Variants in ECD observed in about 807,000 individuals in gnomAD.
The protein encoded by ECD is protein ecdysoneless homolog.
A neutral mutation model predicts 77.2 loss-of-function variants in ECD; 59 were observed. The ratio of observed to expected loss-of-function variants is 0.76; its 90% CI spans 0.62 to 0.95. The LOEUF is 0.95. ECD is among the 40% of genes least tolerant of loss of function. The pLI, the probability that ECD is intolerant of heterozygous loss-of-function variation, is 0.00. For missense variants in ECD, 704 were observed against 763.4 expected (o/e 0.92, Z 0.92); for synonymous variants, 233 against 267.4 (o/e 0.87, Z 1.26).
At position 73,167,983 on chromosome 10, in the gene ECD, C is replaced by T; in HGVS notation, c.-131G>A. 3.4e-6 allele frequency: 1 copy of T among 293,506 alleles called. No homozygotes were observed. Among genetic ancestry groups the T allele is most frequent in the South Asian group, 4.3e-5 (1 of 23,444 alleles). 18.2% of individuals were successfully genotyped at this position (293,506 alleles called of 1,614,324 possible). On this transcript the variant is annotated 5_prime_UTR_variant, in exon 1 of 14. Transcript: ENST00000372979. ...GCCGAAGCCTGGATCAGGCTCTGTC[C>T]CGACGCCTGACCGGAACCTGAAGCC...
At chr10:73,139,858 T>TG (rs1843029692) in intron 9 of ECD, 121 bp from the exon 10 acceptor site, 1 of 686,144 alleles carries the variant, frequency 1.5e-6, no homozygotes, top group Non-Finnish European at 2.3e-6. Flanking sequence ...TGTTTTTTTT[T>TG]TTTTTTTTTA....
chr10:73,162,209 G>C (rs952483540), intron 2 of ECD, among the ~76,000 whole-genome samples: 2 of 152,214 alleles, frequency 1.3e-5, no homozygotes, highest in African/African-American at 4.8e-5. Context: ...ACAGGAACCA[G>C]AGAGGTAAGT....
chr10:73,148,271 C>T lies in ECD; in HGVS notation c.1041+5G>A. 1 of 1,612,964 alleles carries T rather than the reference C, an allele frequency of 6.2e-7. No individual in the cohort carries two copies. Among genetic ancestry groups the T allele is most frequent in the Non-Finnish European group, 8.5e-7 (1 of 1,179,432 alleles). On this transcript the variant is annotated splice_donor_5th_base_variant and intron_variant, in intron 8 of 13. Transcript: ENST00000372979. ...ACTTAAAAGCAAATATATTGCAAGTCCTACCTTAAAGTAATCATTCTTTTT... is the reference window on the plus strand; with the variant it reads ...ACTTAAAAGCAAATATATTGCAAGTTCTACCTTAAAGTAATCATTCTTTTT...
chr10:73,149,052 T>C (rs1174494217), intron 7 of ECD, among the ~76,000 whole-genome samples: 1 of 152,172 alleles, frequency 6.6e-6, no homozygotes, highest in Non-Finnish European at 1.5e-5. Flanking sequence ...CACTTAACCA[T>C]ATACCTTGGA....
intron 9 of ECD, among the ~76,000 whole-genome samples, chr10:73,144,371 T>G (rs1278385737): frequency 2.0e-5 from 3 of 152,050 alleles, no homozygotes; most frequent in Admixed American, 2.0e-4. Context: ...ACACTTGTAA[T>G]CCCAGAACTT....
In ECD at chr10:73,163,830, C is replaced by T. The variant is rs764593550; in HGVS notation, c.108G>A (p.Gln36=). 50 of 1,614,042 alleles carry T rather than the reference C, an allele frequency of 3.1e-5. No individual in the cohort carries two copies. Among genetic ancestry groups the T allele is most frequent in the Middle Eastern group, 3.3e-4 (2 of 6,084 alleles). ...RDSDKHKEIL[Q]KYIERIITRF... ...GAGTGATTATTCTCTCAATGTACTT[C>T]TGAAGAATCTCTTTATGTTTATCTG... The change falls in exon 2 of 14, where the codon CAG becomes CAA. Residue 36 remains glutamine (Q), a synonymous_variant. Transcript: ENST00000372979.
rs777956764 is a variant in ECD at position 73,156,389 on chromosome 10, C to G, written c.476G>C (p.Trp159Ser). The G allele has an allele frequency of 6.2e-7, 1 of 1,613,344 alleles. No homozygotes were observed. Among genetic ancestry groups the G allele is most frequent in the Non-Finnish European group, 8.5e-7 (1 of 1,179,844 alleles). ...AATTGTTGGGGGTGTGGTGGGTAAC[C>G]AAGATTCTGCTCCAGATTTTCTTGG... ...PAPRKSGAES[W>S]LPTTPPTIPQ... The change falls in exon 5 of 14, where the codon TGG (tryptophan) becomes TCG (serine). Residue 159 changes from tryptophan (W) to serine (S), a missense_variant. By Grantham distance (177) the Trp-to-Ser change is radical. Coordinates refer to ENST00000372979, the MANE Select transcript of ECD (RefSeq NM_007265.3).
intron 6 of ECD, among the ~76,000 whole-genome samples, chr10:73,153,867 G>C (rs532871627): frequency 6.6e-6 from 1 of 152,040 alleles, no homozygotes; most frequent in Admixed American, 6.6e-5. Flanking sequence ...AAGAAAAAAC[G>C]TGTATAGTTT....
intron 7 of ECD, 104 bp downstream of exon 7, chr10:73,152,189 T>C (rs1843219018): frequency 7.3e-7 from 1 of 1,365,852 alleles, no homozygotes; most frequent in African/African-American, 1.5e-5. Flanking sequence ...ACTGCATTCT[T>C]ACATAAACAG....
Position 73,167,915 on chromosome 10 carries a change from C to A in ECD, c.-63G>T, listed in dbSNP as rs1487314133. 1.5e-5 allele frequency: 3 copies of A among 199,632 alleles called. No individual in the cohort carries two copies. The highest frequency in any genetic ancestry group is 3.0e-5 in the Non-Finnish European group (3 of 99,210). 12.4% of individuals were successfully genotyped at this position (199,632 alleles called of 1,614,324 possible). A position where few individuals can be genotyped will look rare whatever the true frequency, so the allele number is the denominator to read the frequency against. On this transcript the variant is annotated 5_prime_UTR_variant, in exon 1 of 14. Transcript: ENST00000372979. ...CTCTGCTGTGGCACCTTTCCTTAGCCGCCTCTCCGACTGCGAGAGCTGATC... is the reference window on the plus strand; with the variant it reads ...CTCTGCTGTGGCACCTTTCCTTAGCAGCCTCTCCGACTGCGAGAGCTGATC...
Position 73,139,875 on chromosome 10 carries a change from G to C in ECD, c.1128-138C>G, listed in dbSNP as rs1843030007. 8.5e-6 allele frequency: 5 copies of C among 585,344 alleles called. No individual in the cohort carries two copies. In the South Asian group the frequency reaches 1.2e-4, roughly 15 times the overall value. 36.3% of individuals were successfully genotyped at this position (585,344 alleles called of 1,614,324 possible). On this transcript the variant is annotated intron_variant, in intron 9 of 13. Coordinates refer to ENST00000372979, the MANE Select transcript of ECD (RefSeq NM_007265.3). Reference sequence around the variant, plus strand: ...TTTTTTTTTTTTTTTTTTAAGAGATGGGGTTTCATTGTTGCCCAGAATGGA... The same window carrying C: ...TTTTTTTTTTTTTTTTTTAAGAGATCGGGTTTCATTGTTGCCCAGAATGGA...
chr10:73,139,743 A>T lies in ECD; in HGVS notation c.1128-6T>A. ...CAGGGCTCATAGCAAGAGAACTATGAAAAATAAAAAACATGAGTATTTCTT... is the reference window on the plus strand; with the variant it reads ...CAGGGCTCATAGCAAGAGAACTATGTAAAATAAAAAACATGAGTATTTCTT... On this transcript the variant is annotated splice_polypyrimidine_tract_variant and splice_region_variant and intron_variant, in intron 9 of 13. Coordinates refer to ENST00000372979, the MANE Select transcript of ECD (RefSeq NM_007265.3). The T allele has an allele frequency of 6.4e-7, 1 of 1,552,338 alleles. No homozygotes were observed. Among genetic ancestry groups the T allele is most frequent in the Non-Finnish European group, 8.8e-7 (1 of 1,137,020 alleles).
intron 2 of ECD, among the ~76,000 whole-genome samples, chr10:73,161,463 T>G (rs1183726066): frequency 6.6e-6 from 1 of 151,892 alleles, no homozygotes; most frequent in Non-Finnish European, 1.5e-5. Context: ...TATAAGAAAT[T>G]GACAAATTCC....
chr10:73,161,893 T>C (rs1171546929), intron 2 of ECD, among the ~76,000 whole-genome samples: 1 of 152,174 alleles, frequency 6.6e-6, no homozygotes, highest in East Asian at 1.9e-4. Flanking sequence ...AAAATCAATG[T>C]ACAGTTAATA....
rs1344989982 is a variant in ECD, at chr10:73,136,975, TA to T, written c.1490-58del. ...TAGTAATTATTATTATTATTATTAT[TA>T]TTATTATTATTTAGTTACTACACAT... is the stretch of plus-strand genomic sequence containing the variant. On this transcript the variant is annotated intron_variant, in intron 12 of 13. Coordinates refer to ENST00000372979, the MANE Select transcript of ECD (RefSeq NM_007265.3). 127 of 937,742 alleles carry T rather than the reference TA, an allele frequency of 1.4e-4. 1 individual carries two copies. Among genetic ancestry groups the T allele is most frequent in the African/African-American group, 4.8e-4 (27 of 56,808 alleles). The allele number at this position is 937,742 out of a possible 1,614,324, so 58.1% of individuals were successfully genotyped here.
intron 7 of ECD, among the ~76,000 whole-genome samples, chr10:73,151,599 A>G (rs1312662213): frequency 1.3e-5 from 2 of 152,204 alleles, no homozygotes; most frequent in African/African-American, 4.8e-5. Flanking sequence ...GCAAACAAAA[A>G]AAAAAGAAAA....
At chr10:73,166,171 T>TA (rs1211295799) in intron 1 of ECD, among the ~76,000 whole-genome samples, 1 of 151,860 alleles carries the variant, frequency 6.6e-6, no homozygotes, top group Non-Finnish European at 1.5e-5. Context: ...TTTTTTTTTT[T>TA]ATGGCTGAAA....
At chr10:73,135,575 G>T (rs969203209) in intron 13 of ECD, among the ~76,000 whole-genome samples, 3 of 151,890 alleles carry the variant, frequency 2.0e-5, no homozygotes, top group Non-Finnish European at 2.9e-5. Context: ...ACAAAAATTA[G>T]CCAGGCACGG....
At chr10:73,151,578 C>T (rs1283224379) in intron 7 of ECD, among the ~76,000 whole-genome samples, 10 of 150,078 alleles carry the variant, frequency 6.7e-5, no homozygotes, top group South Asian at 4.2e-4. Context: ...TAGATTGTAA[C>T]ATTTTTGAAA....
Sources: gnomAD v4.1 joint callset for allele counts (sites outside exome capture counted in the v4.1 genomes callset) on GRCh38, gnomAD v4.1.1 for gene constraint, MANE v1.5 for transcripts, NCBI Gene and HGNC (gene_info 2026-07-23, HGNC 2026-07-21) for gene names.